The following FARS2 variants were observed in gnomAD, a reference collection of about 807,000 sequenced individuals.
The protein encoded by FARS2 is phenylalanyl-tRNA synthetase 2, mitochondrial.
A neutral mutation model predicts 46.4 loss-of-function variants in FARS2; 40 were observed. The ratio of observed to expected loss-of-function variants is 0.86; its 90% confidence interval spans 0.67 to 1.12. The LOEUF (loss-of-function observed/expected upper bound fraction) is 1.12. Ranked by LOEUF, FARS2 falls within the 50% of genes most tolerant of loss-of-function variation. FARS2 has a pLI of 0.00. For missense variants in FARS2, 513 were observed against 567.9 expected, an observed-to-expected ratio of 0.90 and a Z score of 0.98; for synonymous variants, 234 against 214.9, an observed-to-expected ratio of 1.09 and a Z score of -0.78.
At chr6:5,380,347 A>G (rs1043589149) in intron 2 of FARS2, among the ~76,000 whole-genome samples, 2 of 152,244 alleles carry the variant, frequency 1.3e-5, no homozygotes, top group Non-Finnish European at 2.9e-5. Context: ...ACCAAATCCA[A>G]ATAATTACAG....
Position 5,562,416 on chromosome 6 carries a change from C to T in FARS2, c.1065+17076C>T, listed in dbSNP as rs543964683. On this transcript the variant is annotated intron_variant, in intron 5 of 6. Coordinates refer to ENST00000274680, the MANE Select transcript of FARS2 (RefSeq NM_006567.5). ...TATTGAGTATCTCTTCTTTCTGTGG[C>T]TTCCTATAAAGCAGTAGGTGATTCA... Among the ~76,000 whole-genome samples, 104 of 152,106 alleles carry T rather than the reference C, an allele frequency of 6.8e-4. 1 individual carries two copies. The highest frequency in any genetic ancestry group is 1.2e-3 in the Non-Finnish European group (81 of 68,016).
chr6:5,396,407 A>G (rs952062327), intron 2 of FARS2, among the ~76,000 whole-genome samples: 2 of 152,176 alleles, frequency 1.3e-5, no homozygotes, highest in African/African-American at 4.8e-5. Context: ...ATTTGGCTAC[A>G]AGGCTGGAAT....
intron 6 of FARS2, among the ~76,000 whole-genome samples, chr6:5,730,861 C>T (rs753528784): frequency 1.3e-5 from 2 of 152,154 alleles, no homozygotes; most frequent in African/African-American, 4.8e-5. Context: ...GGATTAACTC[C>T]GTTAATCCTT....
chr6:5,290,961 C>G (rs1470160727), intron 1 of FARS2: 1 of 152,260 alleles, frequency 6.6e-6, no homozygotes, highest in Non-Finnish European at 1.5e-5. Context: ...CTCAAGTGAT[C>G]CTCCCACCTC....
intron 2 of FARS2, among the ~76,000 whole-genome samples, chr6:5,371,825 G>A (rs1439201704): frequency 6.6e-6 from 1 of 151,996 alleles, no homozygotes; most frequent in African/African-American, 2.4e-5. Flanking sequence ...CCCAAATTAA[G>A]GATGTAGATA....
chr6:5,269,193 A>G (rs1022787915), intron 1 of FARS2, among the ~76,000 whole-genome samples: 4 of 152,200 alleles, frequency 2.6e-5, no homozygotes, highest in Non-Finnish European at 5.9e-5. Flanking sequence ...TTGTAGGGAC[A>G]TGGATGAAGC....
intron 5 of FARS2, among the ~76,000 whole-genome samples, chr6:5,601,312 G>A (rs1041565891): frequency 2.0e-5 from 3 of 151,848 alleles, no homozygotes; most frequent in South Asian, 2.1e-4. Context: ...ACCCAAGGTC[G>A]GGAGTTCGAG....
At chr6:5,596,776 C>G (rs1582539934) in intron 5 of FARS2, among the ~76,000 whole-genome samples, 2 of 152,184 alleles carry the variant, frequency 1.3e-5, no homozygotes, top group Non-Finnish European at 2.9e-5. Context: ...CTGCCAGGTT[C>G]TCTTCTGGCC....
chr6:5,440,875 A>G (rs985206645), intron 4 of FARS2, among the ~76,000 whole-genome samples: 10 of 150,186 alleles, frequency 6.7e-5, no homozygotes, highest in African/African-American at 2.2e-4. Context: ...CACTAGTGTC[A>G]CTGAACATGT....
chr6:5,477,081 G>T (rs376196152), intron 4 of FARS2, among the ~76,000 whole-genome samples: 1 of 152,106 alleles, frequency 6.6e-6, no homozygotes, highest in Admixed American at 6.5e-5. Flanking sequence ...TAGTTATTAT[G>T]CCTGACTCAA....
intron 6 of FARS2, among the ~76,000 whole-genome samples, chr6:5,759,797 T>C (rs1209855380): frequency 6.6e-6 from 1 of 152,096 alleles, no homozygotes; most frequent in Non-Finnish European, 1.5e-5. Flanking sequence ...TGTCAGAGCA[T>C]GGAATGGGCT....
chr6:5,460,695 C>T (rs559608028), intron 4 of FARS2, among the ~76,000 whole-genome samples: 1 of 152,320 alleles, frequency 6.6e-6, no homozygotes, highest in Non-Finnish European at 1.5e-5. Flanking sequence ...AAGCTGGTGA[C>T]TGACTGCTGG....
At chr6:5,467,631 C>A (rs1381699710) in intron 4 of FARS2, among the ~76,000 whole-genome samples, 3 of 152,164 alleles carry the variant, frequency 2.0e-5, no homozygotes, top group Non-Finnish European at 4.4e-5. Context: ...CTAATTTTTT[C>A]CAGTAGCTTC....
At chr6:5,514,477 T>C (rs1175646805) in intron 4 of FARS2, among the ~76,000 whole-genome samples, 1 of 152,216 alleles carries the variant, frequency 6.6e-6, no homozygotes, top group African/African-American at 2.4e-5. Context: ...TCTAAATGTC[T>C]AAAAGTTTTT....
chr6:5,341,227 A>G (rs1171178648), intron 1 of FARS2, among the ~76,000 whole-genome samples: 1 of 4,650 alleles, frequency 2.2e-4, no homozygotes, highest in Non-Finnish European at 3.7e-4. Context: ...ATATATATAT[A>G]TATATATATT....
At chr6:5,519,199 G>A (rs1398196114) in intron 4 of FARS2, among the ~76,000 whole-genome samples, 1 of 152,176 alleles carries the variant, frequency 6.6e-6, no homozygotes, top group African/African-American at 2.4e-5. Context: ...CAAAGGAAGG[G>A]TGTTGTTTCC....
At chr6:5,625,893 G>A (rs1034880594) in intron 6 of FARS2, among the ~76,000 whole-genome samples, 7 of 152,210 alleles carry the variant, frequency 4.6e-5, no homozygotes, top group African/African-American at 1.7e-4. Context: ...AATCTCAGAT[G>A]CGCAGGTGGT....
At chr6:5,260,649 T>C (rs1581626112), upstream of FARS2, 2 of 1,322,698 alleles carry the variant, frequency 1.5e-6, no homozygotes, top group East Asian at 3.5e-5. Context: ...CTGGGTCACC[T>C]GTAATTGTAG....
chr6:5,761,114 G>A (rs1016528037), intron 6 of FARS2, among the ~76,000 whole-genome samples: 6 of 152,184 alleles, frequency 3.9e-5, no homozygotes, highest in African/African-American at 1.4e-4. Flanking sequence ...CTCTCCACCT[G>A]TCAAAATCCT....
Sources: allele counts gnomAD v4.1 joint callset (sites outside exome capture counted in the v4.1 genomes callset), GRCh38; gene constraint gnomAD v4.1.1; transcripts MANE v1.5; gene names NCBI Gene and HGNC (gene_info 2026-07-23, HGNC 2026-07-21).